Variants in ROBO2 observed in about 807,000 individuals in gnomAD.
ROBO2 encodes the protein roundabout guidance receptor 2.
In ROBO2, 53 loss-of-function variants were observed where a neutral mutation model predicts 160.8. The observed-to-expected ratio is 0.33, with a 90% confidence interval of 0.26 to 0.41. ROBO2 has a LOEUF of 0.41. Ranked by LOEUF, ROBO2 falls within the 10% of genes least tolerant of loss-of-function variation. ROBO2 has a pLI of 1.00. For missense variants in ROBO2, 1,577 were observed against 1,722.4 expected (o/e 0.92, Z 1.49); for synonymous variants, 664 against 611.7 (o/e 1.09, Z -1.26).
intron 2 of ROBO2, among the ~76,000 whole-genome samples, chr3:77,284,006 G>A (rs888109529): frequency 3.3e-5 from 5 of 152,118 alleles, no homozygotes; most frequent in African/African-American, 1.2e-4. Flanking sequence ...AGTTTTACTT[G>A]GAATTTGCAT....
chr3:76,241,147 G>A (rs529326285), intron 2 of ROBO2, among the ~76,000 whole-genome samples: 1 of 152,254 alleles, frequency 6.6e-6, no homozygotes, highest in African/African-American at 2.4e-5. Flanking sequence ...TGTGATAAAA[G>A]CGTATTTCTA....
intron 2 of ROBO2, among the ~76,000 whole-genome samples, chr3:76,141,187 ATTTAATGTCTG>A (rs2071653451): frequency 9.4e-6 from 1 of 106,528 alleles, no homozygotes; most frequent in African/African-American, 3.3e-5. Context: ...ATATATATAT[ATTTAATGTCTG>A]ATATATATAT....
intron 2 of ROBO2, among the ~76,000 whole-genome samples, chr3:77,123,040 A>G (rs1173918848): frequency 6.6e-6 from 1 of 152,300 alleles, no homozygotes; most frequent in East Asian, 1.9e-4. Flanking sequence ...AGGAATCAGC[A>G]ATAAAAGCAA....
chr3:76,733,232 C>A (rs1357735528), intron 2 of ROBO2, among the ~76,000 whole-genome samples: 1 of 152,006 alleles, frequency 6.6e-6, no homozygotes, highest in Admixed American at 6.5e-5. Flanking sequence ...TTCAAGTTTC[C>A]CCAGGTATCA....
intron 23 of ROBO2, 182 bp from the exon 25 acceptor site, chr3:77,634,688 C>A: frequency 6.2e-6 from 4 of 643,816 alleles, no homozygotes; most frequent in Non-Finnish European, 1.1e-5. Flanking sequence ...AAAAATTGAA[C>A]AAAATATGTG....
In ROBO2 at chr3:76,135,894, T is replaced by C. The variant is rs181250106; in HGVS notation, c.109+198292T>C. ...GCGTGTGCTGAAGAGGAAATATTAC[T>C]TCACGAGTATTAAAAACTTGCATTA... On this transcript the variant is annotated intron_variant, in intron 2 of 26. Coordinates refer to the ROBO2 transcript ENST00000487694. Among the ~76,000 whole-genome samples the C allele has an allele frequency of 2.4e-3, 372 of 152,266 alleles. 1 individual carries two copies. The highest frequency in any genetic ancestry group is 7.5e-3 in the African/African-American group (310 of 41,586).
At chr3:77,293,793 A>G (rs1413499374) in intron 2 of ROBO2, among the ~76,000 whole-genome samples, 2 of 142,848 alleles carry the variant, frequency 1.4e-5, no homozygotes, top group Non-Finnish European at 3.0e-5. Context: ...TTAAACGGGA[A>G]GTTGAGGCTA....
chr3:76,527,977 G>A (rs2082034272), intron 2 of ROBO2, among the ~76,000 whole-genome samples: 1 of 152,114 alleles, frequency 6.6e-6, no homozygotes, highest in Non-Finnish European at 1.5e-5. Flanking sequence ...GAAGGAGGAA[G>A]CAGGAAAGAG....
At chr3:76,985,226 T>A (rs1275306505) in intron 2 of ROBO2, among the ~76,000 whole-genome samples, 1 of 152,164 alleles carries the variant, frequency 6.6e-6, no homozygotes, top group Non-Finnish European at 1.5e-5. Context: ...CTAAAATATA[T>A]GTTATACTGA....
chr3:76,965,783 G>GTATATATATATATATATATA (rs1392105349), intron 2 of ROBO2, among the ~76,000 whole-genome samples: 16 of 68,004 alleles, frequency 2.4e-4, no homozygotes, highest in African/African-American at 1.5e-3. Context: ...TATTGTGTTT[G>GTATATATATATATATATATA]TGTATATATA....
exon 26 of ROBO2, chr3:77,647,876 C>G (rs1216542824): frequency 6.6e-6 from 1 of 152,108 alleles, no homozygotes; most frequent in East Asian, 1.9e-4. Context: ...TTTGTCACGT[C>G]GTTATAACAA....
intron 2 of ROBO2, among the ~76,000 whole-genome samples, chr3:76,391,799 G>A (rs921877801): frequency 6.6e-6 from 1 of 152,166 alleles, no homozygotes; most frequent in Non-Finnish European, 1.5e-5. Context: ...GTGAGACACC[G>A]CATCCGGCCG....
Position 77,481,038 on chromosome 3 carries a change from T to C in ROBO2, c.547-61T>C, listed in dbSNP as rs892118988. On this transcript the variant is annotated intron_variant, in intron 3 of 25. Coordinates refer to ENST00000461745, the Ensembl canonical transcript of ROBO2. The stretch of plus-strand genomic sequence containing the variant: ...TACTCAAAACTATTTATTAATGACC[T>C]TTATTTTCTATTCTGTTCCTTTTTC... 3.5e-6 allele frequency: 5 copies of C among 1,408,880 alleles called. No homozygotes were observed. In the African/African-American group the frequency reaches 4.2e-5, roughly 12 times the overall value. The allele number at this position is 1,408,880 out of a possible 1,614,324, so 87.3% of individuals were successfully genotyped here.
chr3:76,033,417 G>T (rs1234304274), intron 2 of ROBO2, among the ~76,000 whole-genome samples: 1 of 152,090 alleles, frequency 6.6e-6, no homozygotes, highest in African/African-American at 2.4e-5. Flanking sequence ...CTGGCTTCCT[G>T]TGTGTCCTGC....
intron 21 of ROBO2, among the ~76,000 whole-genome samples, chr3:77,615,514 C>A (rs1045625711): frequency 6.6e-6 from 1 of 152,194 alleles, no homozygotes; most frequent in Non-Finnish European, 1.5e-5. Flanking sequence ...TCTCATCTAG[C>A]CTCTGGAAAC....
chr3:76,872,259 A>G (rs2072182922), intron 2 of ROBO2, among the ~76,000 whole-genome samples: 1 of 152,350 alleles, frequency 6.6e-6, no homozygotes, highest in Admixed American at 6.5e-5. Flanking sequence ...AACATTAAAA[A>G]TATGACTGAA....
intron 2 of ROBO2, among the ~76,000 whole-genome samples, chr3:76,295,777 G>T (rs558841247): frequency 1.3e-5 from 2 of 152,136 alleles, no homozygotes; most frequent in East Asian, 3.9e-4. Context: ...GTGACTTTAC[G>T]TAAATTATCT....
intron 2 of ROBO2, among the ~76,000 whole-genome samples, chr3:77,022,410 A>T (rs938640466): frequency 1.3e-5 from 2 of 152,200 alleles, no homozygotes; most frequent in Admixed American, 1.3e-4. Flanking sequence ...AATAAACAAA[A>T]TCAAATGAAA....
chr3:76,267,375 A>T (rs1260872048), intron 2 of ROBO2, among the ~76,000 whole-genome samples: 1 of 152,140 alleles, frequency 6.6e-6, no homozygotes, highest in Non-Finnish European at 1.5e-5. Flanking sequence ...TCACTAACTC[A>T]TTTGGGCCCT....
Sources: gnomAD v4.1 joint callset for allele counts (sites outside exome capture counted in the v4.1 genomes callset) on GRCh38, gnomAD v4.1.1 for gene constraint, MANE v1.5 for transcripts, NCBI Gene and HGNC (gene_info 2026-07-23, HGNC 2026-07-21) for gene names.